The following CACNB4 variants were observed in gnomAD, a reference collection of about 807,000 sequenced individuals.
CACNB4 encodes the protein voltage-dependent L-type calcium channel subunit beta-4.
In CACNB4, 32 loss-of-function variants were observed where a neutral mutation model predicts 71.2. The observed-to-expected ratio is 0.45, with a 90% CI of 0.34 to 0.60. The LOEUF (loss-of-function observed/expected upper bound fraction) is 0.60. Ranked by LOEUF, CACNB4 falls within the 20% of genes least tolerant of loss-of-function variation. CACNB4 has a pLI of 0.01. For synonymous variants in CACNB4, 231 were observed against 236.9 expected (o/e 0.97, Z 0.23); for missense variants, 464 against 647.9 (o/e 0.72, Z 3.08).
In CACNB4 at chr2:152,098,575, C is replaced by CCCCCCCCCCCCCCCAA; in HGVS notation, c.64-163_64-162insTTGGGGGGGGGGGGGG. On this transcript the variant is annotated intron_variant, in intron 1 of 13. Coordinates refer to ENST00000539935, the MANE Select transcript of CACNB4 (RefSeq NM_000726.5). This position sits in a 1 kb window ranked among gnomAD's most constrained non-coding sequence, Gnocchi z 5.3. ...GACTCCCAAATACAGCCCCCACCCCCACCCACCCACTGCAAGCCTCGACTG... is the reference window on the plus strand; with the variant it reads ...GACTCCCAAATACAGCCCCCACCCCCCCCCCCCCCCCCCCAAACCCACCCACTGCAAGCCTCGACTG... The CCCCCCCCCCCCCCCAA allele has an allele frequency of 1.1e-6, 1 of 877,274 alleles. No homozygotes were observed. Among genetic ancestry groups the CCCCCCCCCCCCCCCAA allele is most frequent in the Non-Finnish European group, 1.9e-6 (1 of 530,914 alleles). The allele number at this position is 877,274 out of a possible 1,614,324, so 54.3% of individuals were successfully genotyped here. A position where few individuals can be genotyped will look rare whatever the true frequency, so the allele number is the denominator to read the frequency against.
At chr2:152,066,089 C>T (rs1686302793) in intron 2 of CACNB4, among the ~76,000 whole-genome samples, 1 of 152,166 alleles carries the variant, frequency 6.6e-6, no homozygotes, top group Admixed American at 6.5e-5. Flanking sequence ...AAGTACTTCG[C>T]AACCTCTCAG....
At chr2:151,943,764 T>C (rs2099864851) in intron 2 of CACNB4, among the ~76,000 whole-genome samples, 1 of 152,160 alleles carries the variant, frequency 6.6e-6, no homozygotes, top group African/African-American at 2.4e-5. Context: ...AAGAAACTGA[T>C]TATGCATCAT....
chr2:152,069,309 C>G (rs1686530140), intron 2 of CACNB4, among the ~76,000 whole-genome samples: 1 of 152,138 alleles, frequency 6.6e-6, no homozygotes, highest in Non-Finnish European at 1.5e-5. Context: ...CATGCTATCA[C>G]AGAAACATGG....
chr2:151,895,096 CCACACACACACACACACACACA>C (rs58504924), intron 2 of CACNB4, among the ~76,000 whole-genome samples: 2 of 22,288 alleles, frequency 9.0e-5, no homozygotes, highest in African/African-American at 1.2e-4. Context: ...TCAAATAGCC[CCACACACACACACACACACACA>C]CACACACACA....
intron 2 of CACNB4, among the ~76,000 whole-genome samples, chr2:151,886,443 G>A (rs536903956): frequency 9.9e-5 from 15 of 152,246 alleles, no homozygotes; most frequent in African/African-American, 3.4e-4. Flanking sequence ...TTCAAATCCT[G>A]GGATTCAATT....
intron 2 of CACNB4, chr2:151,971,397 C>G: frequency 1.6e-6 from 1 of 639,874 alleles, no homozygotes. Context: ...TTCCCCAACC[C>G]CCACCCCCAA....
intron 2 of CACNB4, among the ~76,000 whole-genome samples, chr2:151,916,291 A>T (rs941962431): frequency 1.3e-5 from 2 of 151,958 alleles, no homozygotes; most frequent in Non-Finnish European, 2.9e-5. Flanking sequence ...AAAATTAGAG[A>T]CTTATGGTCC....
At chr2:151,994,053 T>C (rs1440258160) in intron 2 of CACNB4, among the ~76,000 whole-genome samples, 1 of 151,888 alleles carries the variant, frequency 6.6e-6, no homozygotes, top group Non-Finnish European at 1.5e-5. Context: ...GTGCCTGTAG[T>C]CTCAGCTACT....
Position 151,912,642 on chromosome 2 carries a change from T to C in CACNB4, c.148-29272A>G, listed in dbSNP as rs182439773. On this transcript the variant is annotated intron_variant, in intron 2 of 13. Coordinates refer to ENST00000539935, the MANE Select transcript of CACNB4 (RefSeq NM_000726.5). ...GGCACTGAGAAGAATATATATTCTG[T>C]TGATTTGGAGTAGAGAGTTCTGTAG... Among the ~76,000 whole-genome samples the C allele has an allele frequency of 6.4e-4, 98 of 152,364 alleles. 1 individual carries two copies. In the East Asian group the frequency reaches 0.017, roughly 27 times the overall value.
chr2:151,958,732 T>A (rs1292764329), intron 2 of CACNB4, among the ~76,000 whole-genome samples: 1 of 152,210 alleles, frequency 6.6e-6, no homozygotes, highest in Non-Finnish European at 1.5e-5. Context: ...TTCCACAGCT[T>A]TTTATTTGGA....
intron 2 of CACNB4, among the ~76,000 whole-genome samples, chr2:151,948,518 A>G (rs2099866126): frequency 6.6e-6 from 1 of 152,084 alleles, no homozygotes; most frequent in Non-Finnish European, 1.5e-5. Context: ...AAAATTAGCC[A>G]GGCATAGTGA....
At chr2:151,869,351 A>G in intron 8 of CACNB4, 116 bp from the exon 9 acceptor site, 1 of 632,980 alleles carries the variant, frequency 1.6e-6, no homozygotes. Context: ...TATTGTAGCC[A>G]TTCGTCTCCT....
At chr2:151,916,380 T>C (rs1295216263) in intron 2 of CACNB4, among the ~76,000 whole-genome samples, 2 of 152,174 alleles carry the variant, frequency 1.3e-5, no homozygotes. Context: ...TCAAAAAAGA[T>C]ATAAATTGAA....
intron 2 of CACNB4, among the ~76,000 whole-genome samples, chr2:151,985,757 T>C (rs1229415915): frequency 6.6e-6 from 1 of 152,026 alleles, no homozygotes. Context: ...ACCTACTGTC[T>C]CTGAGTGAGG....
intron 2 of CACNB4, among the ~76,000 whole-genome samples, chr2:152,017,141 G>C (rs2105100062): frequency 6.7e-6 from 1 of 149,834 alleles, no homozygotes; most frequent in African/African-American, 2.6e-5. Flanking sequence ...CACTCCAATA[G>C]TTATCAAGCT....
At chr2:151,979,588 C>T (rs2099874375) in intron 2 of CACNB4, among the ~76,000 whole-genome samples, 1 of 152,160 alleles carries the variant, frequency 6.6e-6, no homozygotes, top group African/African-American at 2.4e-5. Flanking sequence ...AGCTGGTCAC[C>T]TTCCCATTGC....
chr2:151,937,256 A>G (rs958897587), intron 2 of CACNB4, among the ~76,000 whole-genome samples: 1 of 152,130 alleles, frequency 6.6e-6, no homozygotes, highest in Non-Finnish European at 1.5e-5. Context: ...CCCCCTCTCC[A>G]TCAAATCTCT....
chr2:151,965,025 A>G (rs1168277475), intron 2 of CACNB4, among the ~76,000 whole-genome samples: 1 of 152,216 alleles, frequency 6.6e-6, no homozygotes, highest in Admixed American at 6.5e-5. Context: ...ATGATTTGAA[A>G]ATTTGATCAA....
In CACNB4 at chr2:152,033,839, G is replaced by A. The variant is rs572365200; in HGVS notation, c.147+64491C>T. On this transcript the variant is annotated intron_variant, in intron 2 of 13. Transcript: ENST00000539935. ...TTTTGTGAGGACTTCTCTAATTCTC[G>A]TGGTATTTCAGATTTCCCTCAATCA... Among the ~76,000 whole-genome samples, 125 of 152,274 alleles carry A rather than the reference G, an allele frequency of 8.2e-4. 1 individual carries two copies. The South Asian group carries it at 0.012, about 15-fold the overall frequency.
Sources: allele counts gnomAD v4.1 joint callset (sites outside exome capture counted in the v4.1 genomes callset), GRCh38; gene constraint gnomAD v4.1.1; non-coding constraint Gnocchi (gnomAD v3.1); transcripts MANE v1.5; gene names NCBI Gene and HGNC (gene_info 2026-07-23, HGNC 2026-07-21).